ERP44: variants seen among roughly 807,000 people sequenced by gnomAD.
The protein encoded by ERP44 is endoplasmic reticulum protein 44.
Under a neutral mutation model 53.4 loss-of-function variants are expected in ERP44, and 25 were observed. The ratio of observed to expected loss-of-function variants is 0.47; its 90% CI spans 0.34 to 0.65. ERP44 has a LOEUF of 0.65. Ranked by LOEUF, ERP44 falls within the 30% of genes least tolerant of loss-of-function variation. The pLI, the probability that ERP44 is intolerant of heterozygous loss-of-function variation, is 0.01. For synonymous variants in ERP44, 145 were observed against 161.2 expected, an observed-to-expected ratio of 0.90 and a Z score of 0.76; for missense variants, 338 against 493.2, an observed-to-expected ratio of 0.69 and a Z score of 2.98.
At chr9:100,053,788 A>G (rs1826061553) in intron 3 of ERP44, among the ~76,000 whole-genome samples, 1 of 152,200 alleles carries the variant, frequency 6.6e-6, no homozygotes, top group Non-Finnish European at 1.5e-5. Flanking sequence ...CTGGGTTAGA[A>G]TGGCCATTCT....
intron 5 of ERP44, among the ~76,000 whole-genome samples, chr9:100,021,204 A>G (rs1275308976): frequency 6.6e-6 from 1 of 152,226 alleles, no homozygotes; most frequent in Non-Finnish European, 1.5e-5. Context: ...CAACACGGAA[A>G]TACGAGGTAA....
intron 1 of ERP44, 130 bp downstream of exon 1, chr9:100,098,654 G>A (rs1447843677): frequency 1.3e-5 from 9 of 706,016 alleles, no homozygotes; most frequent in Non-Finnish European, 2.1e-5. Context: ...GAGGGCAGCG[G>A]GGGAGGGTGC....
At chr9:100,030,937 A>G (rs555273672) in intron 4 of ERP44, among the ~76,000 whole-genome samples, 65 of 152,286 alleles carry the variant, frequency 4.3e-4, no homozygotes, top group African/African-American at 1.4e-3. Context: ...ACCACATGAC[A>G]GCAGAGGTTG....
chr9:99,995,601 G>A (rs969176387), intron 10 of ERP44, among the ~76,000 whole-genome samples: 4 of 152,144 alleles, frequency 2.6e-5, no homozygotes, highest in Non-Finnish European at 5.9e-5. Flanking sequence ...TTCTGCATAT[G>A]AGTGAGATCA....
At chr9:100,050,203 GAA>G (rs943999960) in intron 4 of ERP44, among the ~76,000 whole-genome samples, 2 of 152,062 alleles carry the variant, frequency 1.3e-5, no homozygotes, top group African/African-American at 4.8e-5. Flanking sequence ...GGGGCACAAG[GAA>G]AATTTTGGAG....
chr9:100,088,932 G>A (rs894580333), intron 1 of ERP44, among the ~76,000 whole-genome samples: 3 of 152,074 alleles, frequency 2.0e-5, no homozygotes, highest in African/African-American at 7.2e-5. Flanking sequence ...TAAACAAACT[G>A]GATGATTTCT....
intron 2 of ERP44, among the ~76,000 whole-genome samples, chr9:100,059,508 A>G (rs1826118869): frequency 6.6e-6 from 1 of 152,166 alleles, no homozygotes; most frequent in African/African-American, 2.4e-5. Context: ...CAACATAGCA[A>G]GACCATGTCT....
intron 4 of ERP44, among the ~76,000 whole-genome samples, chr9:100,027,617 C>T (rs1830666603): frequency 6.6e-6 from 1 of 152,188 alleles, no homozygotes. Context: ...AGAAGGTTAA[C>T]AGCTCACTGA....
chr9:100,041,106 A>G (rs1191743164), intron 4 of ERP44, among the ~76,000 whole-genome samples: 2 of 152,206 alleles, frequency 1.3e-5, no homozygotes, highest in East Asian at 3.8e-4. Flanking sequence ...TGCAATCCCT[A>G]TCAAAATACC....
rs1472376657 is a variant in ERP44 at position 100,084,895 on chromosome 9, T to C, written c.57+13889A>G. Among the ~76,000 whole-genome samples, 7 of 152,228 alleles carry C rather than the reference T, an allele frequency of 4.6e-5. No individual in the cohort carries two copies. In the East Asian group the frequency reaches 1.4e-3, roughly 29 times the overall value. ...AGAAAGGGGTATTCCCCAAATAAAG[T>C]AAGCTAAGAAAGGCATCAACCACAA... On this transcript the variant is annotated intron_variant, in intron 1 of 11. Transcript: ENST00000262455.
At chr9:100,059,953 T>C (rs1207716533) in intron 2 of ERP44, 147 bp downstream of exon 2, 6 of 657,838 alleles carry the variant, frequency 9.1e-6, no homozygotes, top group Non-Finnish European at 1.3e-5. Flanking sequence ...AGTGCTTTGA[T>C]AATTCAGAAA....
At chr9:100,047,114 A>C (rs936629206) in intron 4 of ERP44, among the ~76,000 whole-genome samples, 1 of 152,246 alleles carries the variant, frequency 6.6e-6, no homozygotes, top group African/African-American at 2.4e-5. Flanking sequence ...GATCACAGAC[A>C]TAAGTATAAA....
chr9:100,012,698 G>A (rs1830487690), intron 8 of ERP44, among the ~76,000 whole-genome samples: 1 of 152,090 alleles, frequency 6.6e-6, no homozygotes, highest in African/African-American at 2.4e-5. Flanking sequence ...CAAAGGCAAC[G>A]TTTAAATCAG....
At chr9:99,994,197 G>A (rs189584272) in intron 10 of ERP44, among the ~76,000 whole-genome samples, 7 of 152,292 alleles carry the variant, frequency 4.6e-5, no homozygotes, top group Non-Finnish European at 8.8e-5. Flanking sequence ...AAAGACACAT[G>A]CACACATATG....
chr9:100,058,704 T>A (rs1419576573), intron 2 of ERP44, among the ~76,000 whole-genome samples: 1 of 152,198 alleles, frequency 6.6e-6, no homozygotes, highest in Non-Finnish European at 1.5e-5. Context: ...CATTTGCACA[T>A]CAAGATGTAA....
At chr9:100,035,792 A>G (rs1162355961) in intron 4 of ERP44, among the ~76,000 whole-genome samples, 3 of 152,242 alleles carry the variant, frequency 2.0e-5, no homozygotes. Context: ...AACATATGAA[A>G]AAATGCTTAT....
intron 1 of ERP44, among the ~76,000 whole-genome samples, chr9:100,089,195 G>C (rs926218888): frequency 6.6e-6 from 1 of 152,118 alleles, no homozygotes; most frequent in Admixed American, 6.5e-5. Flanking sequence ...AACTGTAGTG[G>C]TACTGGAATC....
At chr9:100,012,573 T>C (rs915443976) in intron 8 of ERP44, among the ~76,000 whole-genome samples, 1 of 152,170 alleles carries the variant, frequency 6.6e-6, no homozygotes, top group African/African-American at 2.4e-5. Flanking sequence ...ATACATTTGA[T>C]TTGAAATTGC....
intron 8 of ERP44, among the ~76,000 whole-genome samples, chr9:100,012,943 A>G (rs1326131502): frequency 1.3e-5 from 2 of 152,168 alleles, no homozygotes; most frequent in East Asian, 3.9e-4. Context: ...TGCCTTATAT[A>G]TCCCAGTCTA....
Sources: gnomAD v4.1 joint callset for allele counts (sites outside exome capture counted in the v4.1 genomes callset) on GRCh38, gnomAD v4.1.1 for gene constraint, MANE v1.5 for transcripts, NCBI Gene and HGNC (gene_info 2026-07-23, HGNC 2026-07-21) for gene names.